DCC: variants seen among roughly 807,000 people sequenced by gnomAD.
The protein encoded by DCC is DCC netrin 1 receptor.
A neutral mutation model predicts 172.5 loss-of-function variants in DCC; 58 were observed. The ratio of observed to expected loss-of-function variants is 0.34; its 90% CI spans 0.27 to 0.42. DCC has a LOEUF of 0.42. Among genes scored for constraint, DCC ranks in the 10% least tolerant of loss-of-function variants. The pLI is 1.00. For missense variants in DCC, 1,740 were observed against 1,791.0 expected (o/e 0.97, Z 0.51); for synonymous variants, 709 against 644.5 (o/e 1.10, Z -1.52).
intron 5 of DCC, among the ~76,000 whole-genome samples, chr18:53,059,732 G>A (rs2042467519): frequency 6.6e-6 from 1 of 151,550 alleles, no homozygotes; most frequent in Non-Finnish European, 1.5e-5. Flanking sequence ...ATATTATTTT[G>A]TAGATATATC....
At chr18:52,855,419 TA>T (rs1242563273) in intron 2 of DCC, among the ~76,000 whole-genome samples, 2 of 152,350 alleles carry the variant, frequency 1.3e-5, no homozygotes, top group African/African-American at 4.8e-5. Flanking sequence ...TATAGCTTTA[TA>T]AGGTTTTAAA....
chr18:52,642,056 GTGTGTGTATATA>G lies in DCC; in HGVS notation c.92-109996_92-109985del, dbSNP rs2034911795. On this transcript the variant is annotated intron_variant, in intron 1 of 28. Transcript: ENST00000442544. Reference sequence around the variant, plus strand: ...TATATATATATATATACTGTGGTGTGTGTGTGTATATATATATATATATACACACACACACAC... The same window carrying G: ...TATATATATATATATACTGTGGTGTGTATATATATATACACACACACACAC... 9.3e-4 allele frequency among the ~76,000 whole-genome samples: 5 copies of G among 5,390 alleles called. 1 individual carries two copies. The highest frequency in any genetic ancestry group is 0.016 in the South Asian group (2 of 122). The allele number at this position is 5,390 out of a possible 152,430, so 3.5% of individuals were successfully genotyped here.
At chr18:52,468,720 C>T (rs531050976) in intron 1 of DCC, among the ~76,000 whole-genome samples, 80 of 152,280 alleles carry the variant, frequency 5.3e-4, no homozygotes, top group East Asian at 1.7e-3. Flanking sequence ...CCTCAGAGGA[C>T]GAATAATGTC....
chr18:53,487,426 G>T (rs939246665), intron 26 of DCC, among the ~76,000 whole-genome samples: 10 of 151,836 alleles, frequency 6.6e-5, no homozygotes, highest in African/African-American at 2.4e-4. Flanking sequence ...AGAAAAAAAG[G>T]ATTTCCAGGG....
chr18:53,339,365 T>G (rs999319729), intron 14 of DCC, among the ~76,000 whole-genome samples: 5 of 152,154 alleles, frequency 3.3e-5, no homozygotes, highest in Admixed American at 2.6e-4. Context: ...TTTTCCAGTC[T>G]ATTATTCTTA....
intron 21 of DCC, among the ~76,000 whole-genome samples, chr18:53,426,456 T>C (rs1910968730): frequency 7.8e-6 from 1 of 127,974 alleles, no homozygotes; most frequent in African/African-American, 2.6e-5. Context: ...ATTTATGTAA[T>C]ATATATTTAT....
intron 21 of DCC, among the ~76,000 whole-genome samples, chr18:53,434,272 A>C (rs1266237396): frequency 6.6e-6 from 1 of 152,062 alleles, no homozygotes; most frequent in Non-Finnish European, 1.5e-5. Flanking sequence ...AATTACCTAT[A>C]CTCTGGTCTT....
At chr18:53,522,630 C>G (rs2046412427) in intron 27 of DCC, among the ~76,000 whole-genome samples, 1 of 152,140 alleles carries the variant, frequency 6.6e-6, no homozygotes, top group Admixed American at 6.6e-5. Context: ...CTACAACCAT[C>G]TGATCTTTGA....
chr18:53,342,524 T>C (rs1456873132), intron 15 of DCC, among the ~76,000 whole-genome samples: 1 of 151,490 alleles, frequency 6.6e-6, no homozygotes, highest in Non-Finnish European at 1.5e-5. Flanking sequence ...CAGTACATTG[T>C]GTACATTAAA....
chr18:52,421,082 A>G (rs535989409), intron 1 of DCC, among the ~76,000 whole-genome samples: 9 of 152,326 alleles, frequency 5.9e-5, no homozygotes, highest in Admixed American at 3.3e-4. Flanking sequence ...CACATCTAAC[A>G]TTAGTGCTAT....
At chr18:52,360,965 A>G (rs758951081) in intron 1 of DCC, among the ~76,000 whole-genome samples, 6 of 152,122 alleles carry the variant, frequency 3.9e-5, no homozygotes, top group Non-Finnish European at 8.8e-5. Flanking sequence ...TAATCCTCAA[A>G]CTTACAGTTT....
At chr18:53,292,436 C>T (rs2057017116) in intron 12 of DCC, among the ~76,000 whole-genome samples, 1 of 152,228 alleles carries the variant, frequency 6.6e-6, no homozygotes, top group Admixed American at 6.5e-5. Flanking sequence ...CCTGTAATCC[C>T]AGCACTTTGG....
chr18:52,687,673 T>C lies in DCC; in HGVS notation c.92-64381T>C, dbSNP rs1199157880. Among the ~76,000 whole-genome samples the C allele has an allele frequency of 2.0e-5, 3 of 152,134 alleles. No individual in the cohort carries two copies. In the East Asian group the frequency reaches 5.8e-4, roughly 29 times the overall value. Reference sequence around the variant, plus strand: ...ACTATTTCTCAATATTGTGGGCTGTTAGCAAGCAGAATTATTTTAAAAAGC... The same window carrying C: ...ACTATTTCTCAATATTGTGGGCTGTCAGCAAGCAGAATTATTTTAAAAAGC... On this transcript the variant is annotated intron_variant, in intron 1 of 28. Transcript: ENST00000442544.
At chr18:52,752,463 T>C in intron 2 of DCC, 89 bp downstream of exon 2, 1 of 985,430 alleles carries the variant, frequency 1.0e-6, no homozygotes. Flanking sequence ...TTTGTAGAAA[T>C]AATGTACATT....
At chr18:52,616,774 C>G (rs2034389699) in intron 1 of DCC, among the ~76,000 whole-genome samples, 1 of 151,976 alleles carries the variant, frequency 6.6e-6, no homozygotes, top group African/African-American at 2.4e-5. Context: ...GCCCTAGAAT[C>G]ATGAAAATAG....
intron 7 of DCC, among the ~76,000 whole-genome samples, chr18:53,075,955 A>C (rs890461848): frequency 1.3e-5 from 2 of 152,038 alleles, no homozygotes; most frequent in African/African-American, 2.4e-5. Context: ...TCTGTGGCTT[A>C]CCCAAATTCC....
chr18:52,803,994 C>T (rs1264790768), intron 2 of DCC, among the ~76,000 whole-genome samples: 3 of 152,022 alleles, frequency 2.0e-5, no homozygotes, highest in African/African-American at 2.4e-5. Flanking sequence ...GGTGGTGGTG[C>T]GAAGGCTGCA....
intron 1 of DCC, among the ~76,000 whole-genome samples, chr18:52,484,339 A>C (rs1482382183): frequency 6.6e-6 from 1 of 152,070 alleles, no homozygotes; most frequent in African/African-American, 2.4e-5. Flanking sequence ...TCCTCTGGCC[A>C]TTATTTTCCA....
chr18:52,995,716 A>G (rs577824586), intron 5 of DCC, among the ~76,000 whole-genome samples: 15 of 151,960 alleles, frequency 9.9e-5, no homozygotes, highest in Middle Eastern at 3.4e-3. Flanking sequence ...GATATTTACT[A>G]TCGTAAATTC....
Sources: gnomAD v4.1 joint callset for allele counts (sites outside exome capture counted in the v4.1 genomes callset) on GRCh38, gnomAD v4.1.1 for gene constraint, MANE v1.5 for transcripts, NCBI Gene and HGNC (gene_info 2026-07-23, HGNC 2026-07-21) for gene names.